The following TNS3 variants were observed in gnomAD, a reference collection of about 807,000 sequenced individuals.
The protein encoded by TNS3 is tensin 3.
A neutral mutation model predicts 140.9 loss-of-function variants in TNS3; 45 were observed. That is an observed-to-expected ratio of 0.32 (90% CI 0.25 to 0.41). TNS3 has a LOEUF of 0.41. Among genes scored for constraint, TNS3 ranks in the 10% least tolerant of loss-of-function variants. TNS3 has a pLI of 1.00. For synonymous variants in TNS3, 815 were observed against 788.4 expected, an observed-to-expected ratio of 1.03 and a Z score of -0.56; for missense variants, 1,716 against 1,906.7, an observed-to-expected ratio of 0.90 and a Z score of 1.86.
chr7:47,497,792 C>T (rs1798069737), intron 3 of TNS3, among the ~76,000 whole-genome samples: 2 of 152,156 alleles, frequency 1.3e-5, no homozygotes, highest in Admixed American at 6.5e-5. Flanking sequence ...TGCTCTGTCC[C>T]CTGCCCCTCG....
At chr7:47,424,239 G>C (rs1794529735) in intron 9 of TNS3, 55 bp from the exon 10 acceptor site, 7 of 1,576,782 alleles carry the variant, frequency 4.4e-6, no homozygotes, top group Non-Finnish European at 6.1e-6. Flanking sequence ...ACACCACGTG[G>C]GTACTTGACG....
intron 16 of TNS3, among the ~76,000 whole-genome samples, chr7:47,392,895 T>C (rs558236310): frequency 2.6e-5 from 4 of 152,260 alleles, no homozygotes; most frequent in Non-Finnish European, 5.9e-5. Flanking sequence ...CTGGGGATTC[T>C]GCAGAACTTT....
chr7:47,521,500 C>T (rs927479341), intron 2 of TNS3, among the ~76,000 whole-genome samples: 2 of 152,186 alleles, frequency 1.3e-5, no homozygotes, highest in Non-Finnish European at 2.9e-5. Context: ...CCTCATGCCT[C>T]CTGGGCTCCA....
At chr7:47,541,111 G>C (rs989436878) in intron 1 of TNS3, among the ~76,000 whole-genome samples, 1 of 152,164 alleles carries the variant, frequency 6.6e-6, no homozygotes, top group Admixed American at 6.5e-5. Flanking sequence ...GGGAGAGGAC[G>C]GCCATAGCAG....
chr7:47,346,479 TCTGGGAAGATG>T (rs1213705373), intron 17 of TNS3, 123 bp from the exon 18 acceptor site: 1 of 1,181,188 alleles, frequency 8.5e-7, no homozygotes, highest in African/African-American at 1.5e-5. Context: ...TCACCACTGC[TCTGGGAAGATG>T]CTGTGGTTGC....
At chr7:47,574,648 C>CACACACA (rs1554359447) in intron 1 of TNS3, among the ~76,000 whole-genome samples, 3 of 150,574 alleles carry the variant, frequency 2.0e-5, no homozygotes, top group Non-Finnish European at 3.0e-5. Flanking sequence ...CACACACACA[C>CACACACA]CCCCACACAC....
chr7:47,433,264 G>C (rs545246757), intron 8 of TNS3, among the ~76,000 whole-genome samples: 14 of 152,362 alleles, frequency 9.2e-5, no homozygotes, highest in Admixed American at 4.6e-4. Context: ...CCCCCGCAGT[G>C]ATGATGATGA....
intron 20 of TNS3, among the ~76,000 whole-genome samples, chr7:47,320,304 A>G (rs1456267361): frequency 6.6e-6 from 1 of 152,086 alleles, no homozygotes; most frequent in Non-Finnish European, 1.5e-5. Context: ...GGACTCAAAC[A>G]TGATTCTTGG....
rs556021079 is a variant in TNS3, at chr7:47,275,507, C to T, written c.*2569G>A. 7.4e-5 allele frequency: 23 copies of T among 309,914 alleles called. No homozygotes were observed. The highest frequency in any genetic ancestry group is 4.8e-4 in the African/African-American group (22 of 45,628). The allele number at this position is 309,914 out of a possible 1,614,324, so 19.2% of individuals were successfully genotyped here. A position where few individuals can be genotyped will look rare whatever the true frequency, so the allele number is the denominator to read the frequency against. Reference sequence around the variant, plus strand: ...GCAGTACGTGCCTGTCCAGCGGGAGCCCTGGAGACAAAATGCCTGGAAACG... The same window carrying T: ...GCAGTACGTGCCTGTCCAGCGGGAGTCCTGGAGACAAAATGCCTGGAAACG... On this transcript the variant is annotated 3_prime_UTR_variant, in exon 31 of 31. Transcript: ENST00000311160.
At chr7:47,525,662 G>A (rs946962855) in intron 2 of TNS3, among the ~76,000 whole-genome samples, 5 of 152,118 alleles carry the variant, frequency 3.3e-5, no homozygotes, top group South Asian at 2.1e-4. Flanking sequence ...ATATCTGTGC[G>A]CTCAAGCAAA....
At chr7:47,552,455 G>A (rs1477434197) in intron 1 of TNS3, among the ~76,000 whole-genome samples, 7 of 152,098 alleles carry the variant, frequency 4.6e-5, no homozygotes, top group African/African-American at 7.2e-5. Flanking sequence ...GCAACCCCAC[G>A]TCAGTGCCAT....
rs537921013 is a variant in TNS3 at position 47,300,260 on chromosome 7, A to G, written c.3544+1926T>C. ...CGGGCAGTAGAAGGTTCGTCTGCACAGGTCTCTTCTATGTAAAATATGTAG... is the reference window on the plus strand; with the variant it reads ...CGGGCAGTAGAAGGTTCGTCTGCACGGGTCTCTTCTATGTAAAATATGTAG... On this transcript the variant is annotated intron_variant, in intron 23 of 30. Coordinates refer to ENST00000311160, the MANE Select transcript of TNS3 (RefSeq NM_022748.12). 3.2e-3 allele frequency among the ~76,000 whole-genome samples: 483 copies of G among 152,350 alleles called. 2 individuals are homozygous for G. The highest frequency in any genetic ancestry group is 3.2e-3 in the Non-Finnish European group (218 of 68,034).
At chr7:47,496,570 C>T (rs999034713) in intron 3 of TNS3, among the ~76,000 whole-genome samples, 4 of 152,212 alleles carry the variant, frequency 2.6e-5, no homozygotes, top group African/African-American at 4.8e-5. Context: ...TGCACACCAC[C>T]GGCCAGAACG....
At chr7:47,351,461 G>A (rs910991197) in intron 17 of TNS3, among the ~76,000 whole-genome samples, 2 of 152,048 alleles carry the variant, frequency 1.3e-5, no homozygotes, top group African/African-American at 4.8e-5. Context: ...GGATCTCGGT[G>A]CTCCTTTAAT....
chr7:47,330,586 G>C (rs1192847941), intron 20 of TNS3, among the ~76,000 whole-genome samples: 2 of 152,194 alleles, frequency 1.3e-5, no homozygotes, highest in East Asian at 3.9e-4. Flanking sequence ...GAGCGAGGCA[G>C]CAGAAACAAA....
In TNS3 at chr7:47,276,727, T is replaced by C. The variant is rs1322641083; in HGVS notation, c.*1349A>G. 6.6e-6 allele frequency: 1 copy of C among 152,142 alleles called. No individual in the cohort carries two copies. Among genetic ancestry groups the C allele is most frequent in the African/African-American group, 2.4e-5 (1 of 41,428 alleles). The allele number at this position is 152,142 out of a possible 1,614,324, so 9.4% of individuals were successfully genotyped here. ...TTGGAATGTTGAAATAAGCCTGAAA[T>C]ACACTTGATTCAGTGGCTTAGATGA... On this transcript the variant is annotated 3_prime_UTR_variant, in exon 31 of 31. Coordinates refer to ENST00000311160, the MANE Select transcript of TNS3 (RefSeq NM_022748.12).
chr7:47,331,739 A>C (rs925222775), intron 20 of TNS3, among the ~76,000 whole-genome samples: 4 of 152,258 alleles, frequency 2.6e-5, no homozygotes, highest in Non-Finnish European at 4.4e-5. Context: ...AGAAGTGCTC[A>C]GAAAGTGGCA....
intron 2 of TNS3, among the ~76,000 whole-genome samples, chr7:47,524,030 C>T (rs2151926186): frequency 6.6e-6 from 1 of 152,364 alleles, no homozygotes; most frequent in East Asian, 1.9e-4. Flanking sequence ...CAACTCACCA[C>T]ACCACCCCCA....
chr7:47,396,670 T>C (rs1792848163), intron 16 of TNS3, 130 bp downstream of exon 16: 3 of 754,206 alleles, frequency 4.0e-6, no homozygotes, highest in Non-Finnish European at 7.0e-6. Context: ...GAAGGTGTGA[T>C]TCTGGACCTC....
Sources: gnomAD v4.1 joint callset for allele counts (sites outside exome capture counted in the v4.1 genomes callset) on GRCh38, gnomAD v4.1.1 for gene constraint, MANE v1.5 for transcripts, NCBI Gene and HGNC (gene_info 2026-07-23, HGNC 2026-07-21) for gene names.